Variants in PRTFDC1 observed in about 807,000 individuals in gnomAD.
The protein encoded by PRTFDC1 is phosphoribosyl transferase domain containing 1.
Under a neutral mutation model 34.6 loss-of-function variants are expected in PRTFDC1, and 38 were observed. The observed-to-expected ratio is 1.10, with a 90% CI of 0.85 to 1.44. The LOEUF is 1.44. Among genes scored for constraint, PRTFDC1 ranks in the 40% most tolerant of loss-of-function variants. The pLI is 0.00. For synonymous variants in PRTFDC1, 93 were observed against 98.1 expected, an observed-to-expected ratio of 0.95 and a Z score of 0.31; for missense variants, 270 against 283.0, an observed-to-expected ratio of 0.95 and a Z score of 0.33.
chr10:24,950,687 G>T (rs1278746417), intron 1 of PRTFDC1, among the ~76,000 whole-genome samples: 1 of 151,108 alleles, frequency 6.6e-6, no homozygotes, highest in Non-Finnish European at 1.5e-5. Context: ...CCACCATGCT[G>T]CCTGCCCTCC....
At chr10:24,855,481 T>C (rs1303189790) in intron 6 of PRTFDC1, 117 bp from the exon 7 acceptor site, 5 of 1,188,334 alleles carry the variant, frequency 4.2e-6, no homozygotes, top group Non-Finnish European at 6.1e-6. Context: ...TGTGGCACTA[T>C]ATAGATGGTT....
At chr10:24,891,324 C>G (rs1848257906) in intron 3 of PRTFDC1, among the ~76,000 whole-genome samples, 1 of 152,068 alleles carries the variant, frequency 6.6e-6, no homozygotes. Context: ...GTTTATAAAA[C>G]TGTTTCCTAA....
At chr10:24,855,478 C>CTA in intron 6 of PRTFDC1, 114 bp from the exon 7 acceptor site, 1 of 1,226,766 alleles carries the variant, frequency 8.2e-7, no homozygotes, top group South Asian at 1.3e-5. Context: ...TACTGTGGCA[C>CTA]TATATAGATG....
At chr10:24,908,771 C>CAA (rs1190650455) in intron 3 of PRTFDC1, 2 of 1,454,146 alleles carry the variant, frequency 1.4e-6, no homozygotes, top group Non-Finnish European at 1.8e-6. Context: ...CCCTAGCGAT[C>CAA]AATGGGGTGA....
intron 3 of PRTFDC1, among the ~76,000 whole-genome samples, chr10:24,919,960 A>C (rs1224730323): frequency 6.6e-6 from 1 of 152,166 alleles, no homozygotes; most frequent in Non-Finnish European, 1.5e-5. Context: ...GATTATCAAA[A>C]AGTCAAGAAA....
At chr10:24,887,259 C>G (rs373957618) in intron 3 of PRTFDC1, among the ~76,000 whole-genome samples, 3 of 152,086 alleles carry the variant, frequency 2.0e-5, no homozygotes, top group African/African-American at 7.2e-5. Context: ...CGTGAGCCAC[C>G]GCGCCCGGCC....
At chr10:24,864,717 C>G in intron 4 of PRTFDC1, among the ~76,000 whole-genome samples, 1 of 152,138 alleles carries the variant, frequency 6.6e-6, no homozygotes, top group East Asian at 1.9e-4. Context: ...CTCTCTTTAT[C>G]GTGGTGATCT....
In PRTFDC1 at chr10:24,856,976, C is replaced by T. The variant is rs777920226; in HGVS notation, c.443G>A (p.Arg148Lys). The part of the protein sequence containing the change: ...LIVEDVVGTG[R>K]TMKALLSNIE... ...ATTGCTGAGTAGTGCTTTCATGGTC[C>T]TCCCAGTTCCGACAACATCCTTTGC... is the stretch of plus-strand genomic sequence containing the variant. Residue 148 changes from arginine (R) to lysine (K), a missense_variant, in exon 6 of 9, where the codon AGG becomes AAG. By Grantham distance (26) the Arg-to-Lys change is conservative. Transcript: ENST00000320152. 1.2e-6 allele frequency: 2 copies of T among 1,613,536 alleles called. No homozygotes were observed. The highest frequency in any genetic ancestry group is 2.2e-5 in the South Asian group (2 of 91,060).
intron 3 of PRTFDC1, among the ~76,000 whole-genome samples, chr10:24,936,718 T>A (rs2132607129): frequency 6.6e-6 from 1 of 152,322 alleles, no homozygotes; most frequent in East Asian, 1.9e-4. Context: ...CACTTGGCAA[T>A]GTGCTGTCCC....
chr10:24,853,180 A>G (rs757869307), intron 7 of PRTFDC1, among the ~76,000 whole-genome samples: 1 of 152,102 alleles, frequency 6.6e-6, no homozygotes, highest in Non-Finnish European at 1.5e-5. Context: ...AGGAACAGAG[A>G]TTCTGAGCTA....
intron 3 of PRTFDC1, among the ~76,000 whole-genome samples, chr10:24,926,471 C>T (rs1311855425): frequency 2.0e-5 from 3 of 152,110 alleles, no homozygotes; most frequent in Admixed American, 6.5e-5. Flanking sequence ...TTCCCAGCCT[C>T]CTGAGTAGCT....
At chr10:24,856,796 GA>G in intron 6 of PRTFDC1, 116 bp downstream of exon 6, 4 of 936,352 alleles carry the variant, frequency 4.3e-6, no homozygotes, top group Non-Finnish European at 6.9e-6. Flanking sequence ...TACCCCAGGG[GA>G]AAAGGTCACT....
chr10:24,852,116 C>T (rs1489837671), intron 7 of PRTFDC1, among the ~76,000 whole-genome samples: 1 of 151,998 alleles, frequency 6.6e-6, no homozygotes, highest in African/African-American at 2.4e-5. Flanking sequence ...GATTTAAGCA[C>T]AGTGCAAGGT....
chr10:24,913,727 A>G (rs531693515), intron 3 of PRTFDC1, among the ~76,000 whole-genome samples: 1 of 152,352 alleles, frequency 6.6e-6, no homozygotes, highest in Admixed American at 6.5e-5. Context: ...TTTGGCAATG[A>G]TTTTAAAGCA....
rs112971131 is a variant in PRTFDC1, at chr10:24,896,070, A to G, written c.340-24007T>C. Among the ~76,000 whole-genome samples, 732 of 152,210 alleles carry G rather than the reference A, an allele frequency of 4.8e-3. 6 individuals carry two copies. The highest frequency in any genetic ancestry group is 0.017 in the African/African-American group (703 of 41,538). ...GAAGGGCTTTTGGTCCTGGGAAACTAGGGCACAGAAGTCAACAGTAGGTGT... is the reference window on the plus strand; with the variant it reads ...GAAGGGCTTTTGGTCCTGGGAAACTGGGGCACAGAAGTCAACAGTAGGTGT... On this transcript the variant is annotated intron_variant, in intron 3 of 8. Transcript: ENST00000320152.
chr10:24,854,608 A>G (rs1847542112), intron 7 of PRTFDC1, among the ~76,000 whole-genome samples: 1 of 152,232 alleles, frequency 6.6e-6, no homozygotes, highest in South Asian at 2.1e-4. Flanking sequence ...ATAATAAATA[A>G]TTAGGCTGCG....
At chr10:24,907,371 G>T (rs1025264796) in intron 3 of PRTFDC1, among the ~76,000 whole-genome samples, 1 of 152,026 alleles carries the variant, frequency 6.6e-6, no homozygotes, top group Non-Finnish European at 1.5e-5. Context: ...GAGGCGGGTG[G>T]ATCACTTGAG....
At chr10:24,933,694 T>A (rs1315398041) in intron 3 of PRTFDC1, among the ~76,000 whole-genome samples, 2 of 31,730 alleles carry the variant, frequency 6.3e-5, no homozygotes, top group African/African-American at 1.1e-4. Context: ...AGTTTGGCAA[T>A]TTTTTTTTTT....
chr10:24,889,933 G>T (rs1848232668), intron 3 of PRTFDC1, among the ~76,000 whole-genome samples: 1 of 152,154 alleles, frequency 6.6e-6, no homozygotes, highest in East Asian at 1.9e-4. Context: ...GGGTGGTCTT[G>T]GGCAAATTCT....
Sources: gnomAD v4.1 joint callset for allele counts (sites outside exome capture counted in the v4.1 genomes callset) on GRCh38, gnomAD v4.1.1 for gene constraint, MANE v1.5 for transcripts, NCBI Gene and HGNC (gene_info 2026-07-23, HGNC 2026-07-21) for gene names.